TAF13: variants seen among roughly 807,000 people sequenced by gnomAD.
TAF13 encodes transcription initiation factor TFIID subunit 13.
TAF13 carries 9 observed loss-of-function variants against 18.7 expected under a neutral mutation model. The ratio of observed to expected loss-of-function variants is 0.48; its 90% confidence interval spans 0.29 to 0.84. The LOEUF is 0.84. Ranked by LOEUF, TAF13 falls within the 40% of genes least tolerant of loss-of-function variation. The probability of loss-of-function intolerance (pLI) is 0.08; values close to 1 mark genes in which losing one functional copy is unlikely to be tolerated. For synonymous variants in TAF13, 49 were observed against 44.1 expected (o/e 1.11, Z -0.44); for missense variants, 105 against 146.5 (o/e 0.72, Z 1.46).
chr1:109,075,854 T>G, intron 1 of TAF13, 67 bp downstream of exon 1: 1 of 1,607,020 alleles, frequency 6.2e-7, no homozygotes, highest in South Asian at 1.1e-5. Flanking sequence ...GATCCTGAAC[T>G]CTGCCTCCGC....
chr1:109,074,666 G>A (rs1340438972), intron 2 of TAF13, among the ~76,000 whole-genome samples: 1 of 152,118 alleles, frequency 6.6e-6, no homozygotes, highest in African/African-American at 2.4e-5. Flanking sequence ...AGTAGTCCCA[G>A]CTACTCAGGA....
intron 2 of TAF13, among the ~76,000 whole-genome samples, chr1:109,073,675 T>C (rs894570062): frequency 2.0e-5 from 3 of 152,196 alleles, no homozygotes; most frequent in African/African-American, 7.2e-5. Context: ...TGCTCAATGC[T>C]GCCCAGGCTG....
intron 2 of TAF13, among the ~76,000 whole-genome samples, chr1:109,074,263 T>C (rs1334689953): frequency 2.6e-5 from 4 of 152,202 alleles, no homozygotes; most frequent in Non-Finnish European, 5.9e-5. Flanking sequence ...ATGCTATTAA[T>C]CTATAACCTT....
intron 2 of TAF13, among the ~76,000 whole-genome samples, chr1:109,069,067 T>G (rs1664004385): frequency 6.6e-6 from 1 of 152,212 alleles, no homozygotes; most frequent in Admixed American, 6.6e-5. Context: ...ATACATTATC[T>G]GTACATGGGC....
At chr1:109,070,515 C>A (rs1664030070) in intron 2 of TAF13, among the ~76,000 whole-genome samples, 1 of 150,462 alleles carries the variant, frequency 6.6e-6, no homozygotes, top group Admixed American at 6.6e-5. Context: ...CCGTGCCCGG[C>A]CCTTGAGTAG....
At chr1:109,075,592 T>A (rs1664165360) in intron 1 of TAF13, among the ~76,000 whole-genome samples, 1 of 152,182 alleles carries the variant, frequency 6.6e-6, no homozygotes, top group Non-Finnish European at 1.5e-5. Flanking sequence ...CTTTTCCCAT[T>A]ACTTCACAGT....
chr1:109,071,482 C>T (rs1228402834), intron 2 of TAF13, among the ~76,000 whole-genome samples: 1 of 149,836 alleles, frequency 6.7e-6, no homozygotes, highest in Non-Finnish European at 1.5e-5. Flanking sequence ...TGGTGGCATG[C>T]ACCTATAGTC....
At chr1:109,075,208 A>AT in intron 1 of TAF13, 143 bp from the exon 2 acceptor site, 1 of 683,592 alleles carries the variant, frequency 1.5e-6, no homozygotes, top group Non-Finnish European at 2.4e-6. Flanking sequence ...AAACCTTAGC[A>AT]TTGAAGGAGC....
chr1:109,074,939 C>G, intron 2 of TAF13, 48 bp downstream of exon 2: 1 of 1,451,730 alleles, frequency 6.9e-7, no homozygotes, highest in Admixed American at 2.1e-5. Context: ...AGGACATGTC[C>G]AAAAGTTTTC....
intron 2 of TAF13, among the ~76,000 whole-genome samples, chr1:109,073,594 T>C (rs1172344106): frequency 6.6e-6 from 1 of 151,946 alleles, no homozygotes; most frequent in Non-Finnish European, 1.5e-5. Flanking sequence ...TCTCCGCTCC[T>C]GACCTCGAGT....
At chr1:109,068,787 A>C (rs1474206419) in intron 2 of TAF13, among the ~76,000 whole-genome samples, 1 of 152,156 alleles carries the variant, frequency 6.6e-6, no homozygotes, top group Non-Finnish European at 1.5e-5. Context: ...GGATCACCTG[A>C]GGTCGGGAGT....
chr1:109,075,223 G>A (rs1350473064), intron 1 of TAF13, among the ~76,000 whole-genome samples, 158 bp from the exon 2 acceptor site: 1 of 150,928 alleles, frequency 6.6e-6, no homozygotes, highest in Non-Finnish European at 1.5e-5. Context: ...AGGAGCCTAT[G>A]TATCTAGTCC....
intron 2 of TAF13, among the ~76,000 whole-genome samples, chr1:109,072,784 T>C (rs1291497910): frequency 8.9e-6 from 1 of 111,998 alleles, no homozygotes; most frequent in East Asian, 2.5e-4. Flanking sequence ...CACCACCTTT[T>C]TTTTTTTTTT....
chr1:109,064,804 A>G, intron 3 of TAF13, 111 bp from the exon 4 acceptor site: 1 of 852,580 alleles, frequency 1.2e-6, no homozygotes, highest in Non-Finnish European at 1.6e-6. Flanking sequence ...TATTATTATT[A>G]TTATGGCTAT....
intron 2 of TAF13, among the ~76,000 whole-genome samples, chr1:109,071,260 G>T (rs925657569): frequency 1.3e-5 from 2 of 151,928 alleles, no homozygotes; most frequent in African/African-American, 4.8e-5. Flanking sequence ...GGCTAACATG[G>T]TGAAACCCGT....
chr1:109,068,716 T>C (rs1663992934), intron 2 of TAF13, among the ~76,000 whole-genome samples: 1 of 152,076 alleles, frequency 6.6e-6, no homozygotes, highest in African/African-American at 2.4e-5. Flanking sequence ...TAAGAAGTCC[T>C]TGAAGGCCAG....
chr1:109,065,908 C>T (rs1250923886), intron 3 of TAF13, among the ~76,000 whole-genome samples: 7 of 141,856 alleles, frequency 4.9e-5, no homozygotes, highest in South Asian at 2.2e-4. Context: ...GCAACAAGAA[C>T]GAAACTCCAT....
chr1:109,073,928 G>T (rs561096), intron 2 of TAF13, among the ~76,000 whole-genome samples: 19,442 of 149,928 alleles, frequency 0.13, 1,280 homozygotes, highest in Middle Eastern at 0.24. Flanking sequence ...GAGGAGCACC[G>T]CTGCCCGGCC....
chr1:109,072,003 T>TATATATATACAC, intron 2 of TAF13, among the ~76,000 whole-genome samples: 1 of 2,238 alleles, frequency 4.5e-4, no homozygotes, highest in African/African-American at 9.2e-4. Context: ...TATATATATA[T>TATATATATACAC]ATATATATAT....
Sources: allele counts gnomAD v4.1 joint callset (sites outside exome capture counted in the v4.1 genomes callset), GRCh38; gene constraint gnomAD v4.1.1; transcripts MANE v1.5; gene names NCBI Gene and HGNC (gene_info 2026-07-23, HGNC 2026-07-21).